Variants in IAPP observed in about 807,000 individuals in gnomAD.
The protein encoded by IAPP is Islet amyloid polypeptide (diabetes-associated peptide; amylin).
Under a neutral mutation model 2.9 loss-of-function variants are expected in IAPP, and 4 were observed. The observed-to-expected ratio is 1.39, with a 90% confidence interval of 0.69 to 3.19. The LOEUF (loss-of-function observed/expected upper bound fraction) is 3.19. IAPP is among the 30% of genes most tolerant of loss of function. IAPP has a pLI of 0.01. For synonymous variants in IAPP, 40 were observed against 42.1 expected, an observed-to-expected ratio of 0.95 and a Z score of 0.19; for missense variants, 114 against 105.3, an observed-to-expected ratio of 1.08 and a Z score of -0.36.
At chr12:21,367,775 T>C (rs765894496) in intron 1 of IAPP, among the ~76,000 whole-genome samples, 2 of 151,946 alleles carry the variant, frequency 1.3e-5, no homozygotes, top group Non-Finnish European at 2.9e-5. Flanking sequence ...CTGGAAGGGA[T>C]TCCTGTTGAT....
chr12:21,373,168 A>C (rs1410294491), intron 1 of IAPP, 164 bp downstream of exon 1: 3 of 608,108 alleles, frequency 4.9e-6, no homozygotes, highest in Non-Finnish European at 2.9e-6. Flanking sequence ...AAATCTCGAA[A>C]TTACTTGAAA....
At chr12:21,368,408 A>C (rs34758237), upstream of IAPP, among the ~76,000 whole-genome samples, 7,848 of 152,258 alleles carry the variant, frequency 0.052, 285 homozygotes, top group Non-Finnish European at 0.079. Context: ...TGTAAATTAA[A>C]GAGTCACACA....
intron 1 of IAPP, among the ~76,000 whole-genome samples, chr12:21,366,171 T>C (rs966297712): frequency 1.2e-4 from 19 of 152,152 alleles, no homozygotes; most frequent in African/African-American, 3.4e-4. Flanking sequence ...AGTGATAGAC[T>C]GGATTAAGAA....
In IAPP at chr12:21,379,109, C is replaced by G. The variant is rs1940421456; in HGVS notation, c.*683C>G. The G allele has an allele frequency of 6.6e-6, 1 of 152,062 alleles. No homozygotes were observed. Among genetic ancestry groups the G allele is most frequent in the East Asian group, 1.9e-4 (1 of 5,196 alleles). The allele number at this position is 152,062 out of a possible 1,614,324, so 9.4% of individuals were successfully genotyped here. A position where few individuals can be genotyped will look rare whatever the true frequency, so the allele number is the denominator to read the frequency against. Reference sequence around the variant, plus strand: ...AAGAAAATTAGTAATTGTAAGTACCCCTGATAAGCAAATTAGTAATTGTCA... The same window carrying G: ...AAGAAAATTAGTAATTGTAAGTACCGCTGATAAGCAAATTAGTAATTGTCA... On this transcript the variant is annotated 3_prime_UTR_variant, in exon 3 of 3. Coordinates refer to ENST00000240652, the MANE Select transcript of IAPP (RefSeq NM_000415.3).
chr12:21,360,523 G>C (rs1938756050), intron 1 of IAPP, among the ~76,000 whole-genome samples: 1 of 152,210 alleles, frequency 6.6e-6, no homozygotes. Context: ...TTCCAACTGA[G>C]GTACCAGGTT....
upstream of IAPP, among the ~76,000 whole-genome samples, chr12:21,372,198 T>A (rs1225505800): frequency 6.6e-6 from 1 of 152,222 alleles, no homozygotes; most frequent in Non-Finnish European, 1.5e-5. Context: ...AATTTCTGTG[T>A]AAGAATGAAT....
chr12:21,373,617 A>G (rs1234967179), intron 2 of IAPP, 186 bp downstream of exon 2: 7 of 700,336 alleles, frequency 1.0e-5, no homozygotes, highest in South Asian at 8.9e-5. Context: ...TGGCAAATAA[A>G]TATCTTTGAT....
intron 1 of IAPP, among the ~76,000 whole-genome samples, chr12:21,367,727 G>A (rs113575103): frequency 8.6e-5 from 13 of 151,888 alleles, no homozygotes; most frequent in Non-Finnish European, 2.9e-5. Context: ...AATTAATAAA[G>A]CTATCAAAGT....
chr12:21,359,135 T>C (rs1938611980), intron 1 of IAPP, among the ~76,000 whole-genome samples: 1 of 152,158 alleles, frequency 6.6e-6, no homozygotes, highest in Non-Finnish European at 1.5e-5. Flanking sequence ...GACTAAAAAC[T>C]AGAAGATTTT....
rs907574630 is a variant in IAPP at position 21,378,071 on chromosome 12, CA to C, written c.81-157del. 6.0e-5 allele frequency among the ~76,000 whole-genome samples: 9 copies of C among 151,072 alleles called. 1 individual carries two copies. In the Middle Eastern group the frequency reaches 0.017, roughly 285 times the overall value. On this transcript the variant is annotated intron_variant, in intron 2 of 2. Coordinates refer to ENST00000240652, the MANE Select transcript of IAPP (RefSeq NM_000415.3). ...ATTTTCAATTGTTATTTCAAGGTGT[CA>C]AAAAAAAATCTCAGCCATCTAGGTG...
intron 1 of IAPP, among the ~76,000 whole-genome samples, chr12:21,363,446 G>A (rs530889937): frequency 7.2e-5 from 11 of 152,208 alleles, no homozygotes; most frequent in Admixed American, 5.9e-4. Flanking sequence ...CAAAGCAGGA[G>A]AGATCTTAAA....
chr12:21,367,466 C>T (rs1939476826), intron 1 of IAPP, among the ~76,000 whole-genome samples: 2 of 151,924 alleles, frequency 1.3e-5, no homozygotes, highest in South Asian at 4.2e-4. Context: ...AGAAAGATTT[C>T]CATGAGAATG....
intron 1 of IAPP, among the ~76,000 whole-genome samples, chr12:21,361,394 G>C (rs4762819): frequency 1 from 152,074 of 152,306 alleles, 75,922 homozygotes; most frequent in Non-Finnish European, 1. Context: ...AGGTCACCAT[G>C]ATCAGAGACG....
rs112210453 is a variant in IAPP, at chr12:21,360,845, G to A, written c.-16+5832G>A. ...GCAGCAGCAAGGCTGGGGGAGGGGC[G>A]TCCGCCATTGCTGAGGCTTGAGAAG... On this transcript the variant is annotated intron_variant, in intron 1 of 2. Coordinates refer to the IAPP transcript ENST00000539393. Among the ~76,000 whole-genome samples, 836 of 152,302 alleles carry A rather than the reference G, an allele frequency of 5.5e-3. 8 individuals are homozygous for A. Among genetic ancestry groups the A allele is most frequent in the African/African-American group, 0.016 (652 of 41,560 alleles).
At chr12:21,367,927 A>T (rs1343462119), upstream of IAPP, among the ~76,000 whole-genome samples, 1 of 152,192 alleles carries the variant, frequency 6.6e-6, no homozygotes, top group African/African-American at 2.4e-5. Context: ...AGTTAACAAG[A>T]GATGTTCTCT....
intron 1 of IAPP, among the ~76,000 whole-genome samples, chr12:21,360,316 G>T (rs1052400074): frequency 2.0e-5 from 3 of 152,148 alleles, no homozygotes; most frequent in Non-Finnish European, 4.4e-5. Flanking sequence ...ATTGAATTTT[G>T]ATAATCCCTA....
chr12:21,366,185 G>A (rs1471360768), intron 1 of IAPP, among the ~76,000 whole-genome samples: 1 of 152,146 alleles, frequency 6.6e-6, no homozygotes. Context: ...TTAAGAAAAT[G>A]TGGCACATAT....
At chr12:21,365,994 T>C (rs1340171075) in intron 1 of IAPP, among the ~76,000 whole-genome samples, 9 of 152,214 alleles carry the variant, frequency 5.9e-5, no homozygotes, top group Non-Finnish European at 1.2e-4. Context: ...AGTGGGGCAA[T>C]TCCTCAAGTA....
upstream of IAPP, among the ~76,000 whole-genome samples, chr12:21,368,981 T>C (rs981037760): frequency 6.6e-6 from 1 of 151,940 alleles, no homozygotes; most frequent in African/African-American, 2.4e-5. Flanking sequence ...ACAGCTAAAA[T>C]AAAGAAATGT....
Sources: allele counts gnomAD v4.1 joint callset (sites outside exome capture counted in the v4.1 genomes callset), GRCh38; gene constraint gnomAD v4.1.1; transcripts MANE v1.5; gene names NCBI Gene and HGNC (gene_info 2026-07-23, HGNC 2026-07-21).